Variants in TDRD3 observed in about 807,000 individuals in gnomAD.
TDRD3 encodes tudor domain containing 3, also known as tudor domain-containing protein 3.
TDRD3 carries 45 observed loss-of-function variants against 86.7 expected under a neutral mutation model. The ratio of observed to expected loss-of-function variants is 0.52; its 90% CI spans 0.41 to 0.67. The LOEUF (loss-of-function observed/expected upper bound fraction) is 0.67. Ranked by LOEUF, TDRD3 falls within the 30% of genes least tolerant of loss-of-function variation. The probability of loss-of-function intolerance (pLI) is 0.00; values close to 1 mark genes in which losing one functional copy is unlikely to be tolerated. For synonymous variants in TDRD3, 298 were observed against 301.7 expected, an observed-to-expected ratio of 0.99 and a Z score of 0.13; for missense variants, 814 against 889.0, an observed-to-expected ratio of 0.92 and a Z score of 1.07.
At chr13:60,498,237 G>A (rs1194260681) in intron 8 of TDRD3, among the ~76,000 whole-genome samples, 1 of 152,110 alleles carries the variant, frequency 6.6e-6, no homozygotes, top group Non-Finnish European at 1.5e-5. Context: ...GGGCAGCACA[G>A]GCATCTTTGA....
chr13:60,564,863 A>T (rs1958413387), intron 12 of TDRD3, among the ~76,000 whole-genome samples: 1 of 152,124 alleles, frequency 6.6e-6, no homozygotes, highest in Non-Finnish European at 1.5e-5. Flanking sequence ...TGTGTGTTAA[A>T]TAAAGAGGAA....
At chr13:60,458,175 C>T (rs1408430084) in intron 3 of TDRD3, among the ~76,000 whole-genome samples, 1 of 152,120 alleles carries the variant, frequency 6.6e-6, no homozygotes, top group Non-Finnish European at 1.5e-5. Context: ...GATCTTTGTT[C>T]TCATAGTCAA....
chr13:60,570,189 A>G (rs887800756), intron 13 of TDRD3, among the ~76,000 whole-genome samples: 2 of 152,224 alleles, frequency 1.3e-5, no homozygotes, highest in African/African-American at 2.4e-5. Flanking sequence ...AATAACCAGA[A>G]TATATAAGCT....
intron 12 of TDRD3, chr13:60,536,154 C>A (rs898599125): frequency 1.3e-5 from 2 of 151,962 alleles, no homozygotes; most frequent in Non-Finnish European, 2.9e-5. Context: ...TTCAGTGGTA[C>A]CCCTTCTCCA....
At chr13:60,447,901 T>C (rs1413239223) in intron 3 of TDRD3, among the ~76,000 whole-genome samples, 1 of 152,146 alleles carries the variant, frequency 6.6e-6, no homozygotes, top group Non-Finnish European at 1.5e-5. Context: ...ATTAACGTTG[T>C]GTGGTGCCTT....
intron 1 of TDRD3, among the ~76,000 whole-genome samples, chr13:60,425,322 C>T (rs80135554): frequency 0.011 from 1,732 of 152,252 alleles, 41 homozygotes; most frequent in African/African-American, 0.039. Flanking sequence ...TATCACCTCA[C>T]ACCTATAAGG....
intron 1 of TDRD3, among the ~76,000 whole-genome samples, chr13:60,416,946 T>C (rs1175819353): frequency 6.6e-6 from 1 of 152,118 alleles, no homozygotes; most frequent in Non-Finnish European, 1.5e-5. Flanking sequence ...AGTTTCCTTA[T>C]TGGTACTAAC....
In TDRD3 at chr13:60,494,557, A is replaced by C; in HGVS notation, c.840A>C (p.Glu280Asp). 2 of 1,613,714 alleles carry C rather than the reference A, an allele frequency of 1.2e-6. No individual in the cohort carries two copies. The highest frequency in any genetic ancestry group is 1.7e-4 in the Middle Eastern group (1 of 6,058). Residue 280 changes from glutamate to aspartate, a missense_variant, in exon 8 of 14, where the codon GAA becomes GAC. By Grantham distance (45) the Glu-to-Asp change is conservative. Coordinates refer to ENST00000377881, the MANE Select transcript of TDRD3 (RefSeq NM_001146070.2). Reference protein sequence around the residue: ...EKSTKSEGKHEGVYRELVDEK... With the variant: ...EKSTKSEGKHDGVYRELVDEK... ...CAACCAAATCAGAGGGAAAACATGA[A>C]GGTGTCTATAGAGAACTGGTAAGGC...
At chr13:60,566,554 G>A (rs1958464593) in intron 12 of TDRD3, among the ~76,000 whole-genome samples, 2 of 152,080 alleles carry the variant, frequency 1.3e-5, no homozygotes, top group Admixed American at 1.3e-4. Context: ...CCAAAGTAAT[G>A]CAAATTATTG....
At chr13:60,490,903 A>T (rs1956571682) in intron 7 of TDRD3, among the ~76,000 whole-genome samples, 1 of 152,098 alleles carries the variant, frequency 6.6e-6, no homozygotes, top group Non-Finnish European at 1.5e-5. Context: ...AGATCACCTG[A>T]GGTCGGGAGT....
intron 3 of TDRD3, among the ~76,000 whole-genome samples, chr13:60,448,929 C>T (rs1233979256): frequency 6.6e-6 from 1 of 152,096 alleles, no homozygotes; most frequent in Non-Finnish European, 1.5e-5. Flanking sequence ...TTATGTACTG[C>T]TATGGAGTCC....
At chr13:60,529,417 C>T (rs1268827602) in intron 11 of TDRD3, among the ~76,000 whole-genome samples, 200 bp downstream of exon 11, 3 of 151,968 alleles carry the variant, frequency 2.0e-5, no homozygotes, top group Non-Finnish European at 4.4e-5. Context: ...CAATCTGTCC[C>T]GTAAGATTTG....
intron 1 of TDRD3, among the ~76,000 whole-genome samples, chr13:60,406,322 G>T (rs1954232747): frequency 6.6e-6 from 1 of 152,158 alleles, no homozygotes; most frequent in South Asian, 2.1e-4. Context: ...TCTAAATTCA[G>T]ATGTGCTATA....
At chr13:60,484,530 C>CGT (rs369220736) in intron 6 of TDRD3, among the ~76,000 whole-genome samples, 8,876 of 151,780 alleles carry the variant, frequency 0.058, 359 homozygotes, top group South Asian at 0.11. Flanking sequence ...TAAGGTTTAT[C>CGT]GTGTGTGTGT....
chr13:60,476,646 A>G (rs1281329564), intron 5 of TDRD3, among the ~76,000 whole-genome samples: 2 of 152,000 alleles, frequency 1.3e-5, no homozygotes. Context: ...ATGGCTTTGG[A>G]TAGTGTGACC....
At chr13:60,460,283 GACTAT>G (rs578052733) in intron 3 of TDRD3, 92 bp from the exon 4 acceptor site, 136 of 995,464 alleles carry the variant, frequency 1.4e-4, no homozygotes, top group Non-Finnish European at 1.9e-4. Context: ...CATAAAGCAT[GACTAT>G]TAAGGAAAAG....
intron 6 of TDRD3, among the ~76,000 whole-genome samples, chr13:60,485,316 C>T (rs982835620): frequency 4.6e-5 from 7 of 151,436 alleles, no homozygotes; most frequent in Admixed American, 6.6e-5. Flanking sequence ...AAGCCTGATA[C>T]GGGGGGTGGG....
At chr13:60,532,515 A>C (rs994045714) in intron 11 of TDRD3, among the ~76,000 whole-genome samples, 7 of 152,222 alleles carry the variant, frequency 4.6e-5, no homozygotes, top group Non-Finnish European at 1.0e-4. Context: ...GGCAGAGACA[A>C]GGGTAGACAT....
chr13:60,484,800 C>G, intron 6 of TDRD3: 1 of 393,214 alleles, frequency 2.5e-6, no homozygotes, highest in South Asian at 1.9e-5. Context: ...ACAGGGAAAA[C>G]AGTGTAAACA....
Sources: gnomAD v4.1 joint callset for allele counts (sites outside exome capture counted in the v4.1 genomes callset) on GRCh38, gnomAD v4.1.1 for gene constraint, MANE v1.5 for transcripts, NCBI Gene and HGNC (gene_info 2026-07-23, HGNC 2026-07-21) for gene names.